The following CKAP5 variants were observed in gnomAD, a reference collection of about 807,000 sequenced individuals.
CKAP5 encodes the protein cytoskeleton associated protein 5.
In CKAP5, 27 loss-of-function variants were observed where a neutral mutation model predicts 232.8. The observed-to-expected ratio is 0.12, with a 90% CI of 0.09 to 0.16. The LOEUF (loss-of-function observed/expected upper bound fraction) is 0.16. CKAP5 is among the 10% of genes least tolerant of loss of function. The pLI is 1.00. For synonymous variants in CKAP5, 785 were observed against 841.1 expected (o/e 0.93, Z 1.16); for missense variants, 1,838 against 2,424.7 (o/e 0.76, Z 5.08).
chr11:46,818,705 A>G (rs1418714296), intron 2 of CKAP5, among the ~76,000 whole-genome samples: 1 of 152,164 alleles, frequency 6.6e-6, no homozygotes, highest in African/African-American at 2.4e-5. Flanking sequence ...ACTTCTTACA[A>G]GTGTTTAGTG....
intron 1 of CKAP5, among the ~76,000 whole-genome samples, chr11:46,845,853 G>A (rs932356578): frequency 4.6e-5 from 7 of 152,208 alleles, no homozygotes; most frequent in African/African-American, 1.7e-4. Context: ...AATTACGCGA[G>A]AGGCACTCTA....
intron 1 of CKAP5, among the ~76,000 whole-genome samples, chr11:46,822,174 G>T (rs539276483): frequency 6.6e-6 from 1 of 151,964 alleles, no homozygotes; most frequent in Non-Finnish European, 1.5e-5. Context: ...CCAGCTACTC[G>T]GGAAGCTGAG....
intron 9 of CKAP5, among the ~76,000 whole-genome samples, chr11:46,798,979 A>G (rs1463225438): frequency 6.6e-6 from 1 of 152,214 alleles, no homozygotes; most frequent in Non-Finnish European, 1.5e-5. Flanking sequence ...ACAATGAAGA[A>G]TTCTCATTCT....
At chr11:46,760,846 A>G (rs2065148603) in intron 32 of CKAP5, 62 bp from the exon 33 acceptor site, 2 of 1,421,506 alleles carry the variant, frequency 1.4e-6, no homozygotes, top group Non-Finnish European at 1.9e-6. Context: ...TTTTCATATC[A>G]AAACAAATAG....
intron 20 of CKAP5, 113 bp from the exon 21 acceptor site, chr11:46,778,712 C>G (rs1032064760): frequency 2.1e-5 from 17 of 813,154 alleles, no homozygotes; most frequent in Non-Finnish European, 3.2e-5. Flanking sequence ...CCTATTTACA[C>G]AGTAGGTAAT....
intron 28 of CKAP5, among the ~76,000 whole-genome samples, chr11:46,763,960 C>G (rs1045354262): frequency 3.3e-5 from 5 of 152,138 alleles, no homozygotes; most frequent in Non-Finnish European, 7.4e-5. Context: ...CTTAGCCCCC[C>G]AAGTAGCTGG....
intron 29 of CKAP5, 24 bp downstream of exon 29, chr11:46,763,457 T>C (rs2065173950): frequency 6.4e-7 from 1 of 1,566,722 alleles, no homozygotes; most frequent in African/African-American, 1.4e-5. Flanking sequence ...GAAATACATG[T>C]ATATTTATCT....
chr11:46,804,778 T>C (rs1369420727), intron 8 of CKAP5, among the ~76,000 whole-genome samples: 1 of 151,774 alleles, frequency 6.6e-6, no homozygotes, highest in Non-Finnish European at 1.5e-5. Flanking sequence ...AAAAGATTAA[T>C]ACCACATAGA....
In CKAP5 at chr11:46,780,241, C is replaced by T; in HGVS notation, c.2386G>A (p.Asp796Asn). 6.2e-7 allele frequency: 1 copy of T among 1,614,050 alleles called. No individual in the cohort carries two copies. ...TGGGATAGGAGGGCAGGCTTCTCATCCTCAAAGAACATTCGCAAAGAGGGA... is the reference window on the plus strand; with the variant it reads ...TGGGATAGGAGGGCAGGCTTCTCATTCTCAAAGAACATTCGCAAAGAGGGA... ...VGPSLRMFFE[D>N]EKPALLSQID... The change falls in exon 20 of 44, where the codon GAT becomes AAT. Residue 796 changes from aspartate to asparagine, a missense_variant. By Grantham distance (23) the Asp-to-Asn change is conservative. This residue lies in a region of CKAP5 where 767 missense variants were observed against 954.6 expected (regional missense o/e 0.80). Transcript: ENST00000529230.
chr11:46,788,833 T>G (rs1037536006), intron 15 of CKAP5, 60 bp from the exon 16 acceptor site: 1 of 1,227,384 alleles, frequency 8.1e-7, no homozygotes, highest in African/African-American at 1.5e-5. Context: ...AAAGGAAGAG[T>G]AAATACCAAA....
rs761759655 is a variant in CKAP5 at position 46,770,104 on chromosome 11, G to C, written c.3187-6C>G. Reference sequence around the variant, plus strand: ...ACCTGATCTTTAGAAGTTGGCTAGAGAGACAAAATGACATAAAAAGTGAGA... The same window carrying C: ...ACCTGATCTTTAGAAGTTGGCTAGACAGACAAAATGACATAAAAAGTGAGA... On this transcript the variant is annotated splice_polypyrimidine_tract_variant and splice_region_variant and intron_variant, in intron 25 of 43. Coordinates refer to ENST00000529230, the MANE Select transcript of CKAP5 (RefSeq NM_001008938.4). The C allele has an allele frequency of 3.7e-6, 6 of 1,613,512 alleles. No individual in the cohort carries two copies. The highest frequency in any genetic ancestry group is 5.1e-6 in the Non-Finnish European group (6 of 1,179,540).
chr11:46,760,007 C>T (rs1316395699), intron 33 of CKAP5, among the ~76,000 whole-genome samples: 3 of 152,168 alleles, frequency 2.0e-5, no homozygotes, highest in Admixed American at 6.5e-5. Context: ...AATTCAAGTT[C>T]GTTAAAATTA....
Position 46,750,295 on chromosome 11 carries a change from C to G in CKAP5, c.5683G>C (p.Gly1895Arg). 6.2e-7 allele frequency: 1 copy of G among 1,614,066 alleles called. No homozygotes were observed. The highest frequency in any genetic ancestry group is 2.2e-5 in the East Asian group (1 of 44,886). Residue 1895 changes from glycine to arginine, a missense_variant, in exon 42 of 44, where the codon GGT becomes CGT. Physicochemically the swap from Gly to Arg is moderately radical, Grantham distance 125 (BLOSUM62 -2). Transcript: ENST00000529230. ...RVIEMEREGKGRISTSTGISP... is the reference protein window; with the variant it reads ...RVIEMEREGKRRISTSTGISP... ...ATACCTGTTGAAGTGGAAATACGAC[C>G]TTTGCCCTCCCTCTCCATCTCAATC...
chr11:46,755,371 G>A (rs1382341999), intron 35 of CKAP5, among the ~76,000 whole-genome samples: 2 of 151,742 alleles, frequency 1.3e-5, no homozygotes, highest in Non-Finnish European at 2.9e-5. Flanking sequence ...CTGCCACCAC[G>A]CCAATTTTTG....
In CKAP5 at chr11:46,762,027, C is replaced by T; in HGVS notation, c.4194G>A (p.Gly1398=). Residue 1398 remains glycine (G), a synonymous_variant, in exon 32 of 44, where the codon GGG becomes GGA. Coordinates refer to ENST00000529230, the MANE Select transcript of CKAP5 (RefSeq NM_001008938.4). ...TTCCAATCAGTTTGAACACCTGATC[C>T]CCATGTACATTGTACACCGTTACAA... ...NTIVTVYNVH[G]DQVFKLIGNL... 6.2e-7 allele frequency: 1 copy of T among 1,613,772 alleles called. No homozygotes were observed. The highest frequency in any genetic ancestry group is 8.5e-7 in the Non-Finnish European group (1 of 1,179,790).
chr11:46,761,197 C>G (rs1248565924), intron 32 of CKAP5, among the ~76,000 whole-genome samples: 1 of 145,942 alleles, frequency 6.9e-6, no homozygotes, highest in Non-Finnish European at 1.5e-5. Context: ...TGCGGTGAAC[C>G]ATGATCACAC....
intron 35 of CKAP5, among the ~76,000 whole-genome samples, chr11:46,758,298 C>T (rs551655440): frequency 5.6e-4 from 85 of 152,284 alleles, no homozygotes; most frequent in African/African-American, 2.0e-3. Flanking sequence ...CTCTCCTTGG[C>T]ATACTCTAAG....
Position 46,838,950 on chromosome 11 carries a change from G to A in CKAP5, c.-38+7270C>T, listed in dbSNP as rs571051867. Among the ~76,000 whole-genome samples the A allele has an allele frequency of 4.6e-5, 7 of 151,982 alleles. No homozygotes were observed. The Middle Eastern group carries it at 0.017, about 369-fold the overall frequency. ...CACTTTTTTGTTCAGAGAAGATGAT[G>A]CCAGTTTTGGCCAATTTTGTTCAAC... On this transcript the variant is annotated intron_variant, in intron 1 of 43. Coordinates refer to ENST00000529230, the MANE Select transcript of CKAP5 (RefSeq NM_001008938.4).
rs760559640 is a variant in CKAP5, at chr11:46,743,997, C to T, written c.*26G>A. The T allele has an allele frequency of 8.0e-5, 129 of 1,611,780 alleles. No homozygotes were observed. The highest frequency in any genetic ancestry group is 1.0e-4 in the Non-Finnish European group (122 of 1,179,870). On this transcript the variant is annotated 3_prime_UTR_variant, in exon 44 of 44. Coordinates refer to ENST00000529230, the MANE Select transcript of CKAP5 (RefSeq NM_001008938.4). ...CTTCTAGTTTAGTAAACTAAAGCTG[C>T]AGGGTGCCGGGGGAGTGGGGCAGCT...
Sources: allele counts gnomAD v4.1 joint callset (sites outside exome capture counted in the v4.1 genomes callset), GRCh38; gene constraint gnomAD v4.1.1; regional missense constraint gnomAD v4.1.1; transcripts MANE v1.5; gene names NCBI Gene and HGNC (gene_info 2026-07-23, HGNC 2026-07-21).